SH3GL3: variants seen among roughly 807,000 people sequenced by gnomAD.
The protein encoded by SH3GL3 is endophilin-A3.
In SH3GL3, 33 loss-of-function variants were observed where a neutral mutation model predicts 47.7. That is an observed-to-expected ratio of 0.69 (90% CI 0.52 to 0.92). The LOEUF is 0.92. Among genes scored for constraint, SH3GL3 ranks in the 40% least tolerant of loss-of-function variants. SH3GL3 has a pLI of 0.00. For synonymous variants in SH3GL3, 155 were observed against 148.8 expected, an observed-to-expected ratio of 1.04 and a Z score of -0.30; for missense variants, 363 against 417.8, an observed-to-expected ratio of 0.87 and a Z score of 1.14.
intron 6 of SH3GL3, among the ~76,000 whole-genome samples, chr15:83,582,858 TA>T (rs957731214): frequency 6.6e-6 from 1 of 152,214 alleles, no homozygotes; most frequent in African/African-American, 2.4e-5. Flanking sequence ...AAGTGGAGAA[TA>T]AAAGTGTAAG....
chr15:83,554,346 C>T (rs1343485845), intron 1 of SH3GL3, among the ~76,000 whole-genome samples: 6 of 152,162 alleles, frequency 3.9e-5, no homozygotes, highest in African/African-American at 1.4e-4. Flanking sequence ...CGCCACCACA[C>T]CCAGCTAATT....
At chr15:83,510,258 A>G (rs1340455801) in intron 1 of SH3GL3, among the ~76,000 whole-genome samples, 2 of 152,226 alleles carry the variant, frequency 1.3e-5, no homozygotes, top group African/African-American at 4.8e-5. Context: ...TACAATAGAA[A>G]GAATCTTTGC....
chr15:83,566,204 C>T (rs1372690732), intron 3 of SH3GL3, among the ~76,000 whole-genome samples: 1 of 152,148 alleles, frequency 6.6e-6, no homozygotes, highest in Non-Finnish European at 1.5e-5. Flanking sequence ...TGTTGGCCAA[C>T]AATAAAAGTG....
chr15:83,485,614 G>A (rs541163263), intron 1 of SH3GL3, among the ~76,000 whole-genome samples: 33 of 152,128 alleles, frequency 2.2e-4, no homozygotes, highest in African/African-American at 7.5e-4. Context: ...CTCCCAAGTC[G>A]CTGGAACTAC....
chr15:83,524,578 G>C (rs2043338136), intron 1 of SH3GL3, among the ~76,000 whole-genome samples: 1 of 151,816 alleles, frequency 6.6e-6, no homozygotes, highest in African/African-American at 2.4e-5. Flanking sequence ...GTTAATTATA[G>C]TCACCCTACT....
chr15:83,461,425 A>T lies in SH3GL3; in HGVS notation c.45+13847A>T, dbSNP rs185459331. ...AAACTGATAATGGATTATAATTTTT[A>T]TGACTTTTATTTAAAATATTGCTAA... On this transcript the variant is annotated intron_variant, in intron 1 of 8. Transcript: ENST00000427482. Among the ~76,000 whole-genome samples, 714 of 152,258 alleles carry T rather than the reference A, an allele frequency of 4.7e-3. 3 individuals carry two copies. The highest frequency in any genetic ancestry group is 0.015 in the African/African-American group (640 of 41,572).
At chr15:83,609,635 C>A (rs2060612730) in intron 8 of SH3GL3, among the ~76,000 whole-genome samples, 1 of 152,146 alleles carries the variant, frequency 6.6e-6, no homozygotes, top group African/African-American at 2.4e-5. Flanking sequence ...GCTTCCAGGT[C>A]ATGAAGTTCC....
rs184471231 is a variant in SH3GL3 at position 83,576,490 on chromosome 15, G to A, written c.466-93G>A. ...GTTCCTGCCCTCTGGAATCTAGGCCGAGAAAAAGCAATGACCATTTTAATA... is the reference window on the plus strand; with the variant it reads ...GTTCCTGCCCTCTGGAATCTAGGCCAAGAAAAAGCAATGACCATTTTAATA... On this transcript the variant is annotated intron_variant, in intron 5 of 8. Transcript: ENST00000427482. The A allele has an allele frequency of 2.4e-4, 300 of 1,229,660 alleles. No individual in the cohort carries two copies. The African/African-American group carries it at 3.8e-3, about 16-fold the overall frequency. The allele number at this position is 1,229,660 out of a possible 1,614,324, so 76.2% of individuals were successfully genotyped here.
intron 1 of SH3GL3, among the ~76,000 whole-genome samples, chr15:83,524,053 A>G (rs554261293): frequency 3.2e-4 from 48 of 152,026 alleles, no homozygotes; most frequent in Non-Finnish European, 6.2e-4. Context: ...CCTGTTTGGA[A>G]GTTTTGCTTA....
intron 2 of SH3GL3, among the ~76,000 whole-genome samples, chr15:83,560,982 T>C (rs2045240556): frequency 6.6e-6 from 1 of 152,162 alleles, no homozygotes; most frequent in African/African-American, 2.4e-5. Flanking sequence ...ACATAGCATC[T>C]GAATTTTTAA....
In SH3GL3 at chr15:83,572,569, T is replaced by C. The variant is rs760296739; in HGVS notation, c.336T>C (p.Asn112=). 4 of 1,612,396 alleles carry C rather than the reference T, an allele frequency of 2.5e-6. No individual in the cohort carries two copies. The highest frequency in any genetic ancestry group is 3.4e-6 in the Non-Finnish European group (4 of 1,178,924). ...KELGEDSTFG[N]ALIEVGESMK... Reference sequence around the variant, plus strand: ...TATTTATGTTTTCTATTCAAGGCAATGCATTGATAGAAGTTGGTGAATCCA... The same window carrying C: ...TATTTATGTTTTCTATTCAAGGCAACGCATTGATAGAAGTTGGTGAATCCA... Residue 112 remains asparagine, a synonymous_variant, in exon 5 of 9, where the codon AAT becomes AAC. Coordinates refer to ENST00000427482, the MANE Select transcript of SH3GL3 (RefSeq NM_003027.5).
chr15:83,584,039 A>T (rs1357700047), intron 6 of SH3GL3, among the ~76,000 whole-genome samples: 1 of 152,148 alleles, frequency 6.6e-6, no homozygotes, highest in Non-Finnish European at 1.5e-5. Context: ...CTGTAGCTTA[A>T]AGCAACACAC....
At chr15:83,548,117 T>C (rs2044493489) in intron 1 of SH3GL3, among the ~76,000 whole-genome samples, 2 of 151,730 alleles carry the variant, frequency 1.3e-5, no homozygotes, top group African/African-American at 4.8e-5. Flanking sequence ...AGCAATAGAA[T>C]AGACCATACA....
At chr15:83,588,826 A>G (rs2060018536) in intron 8 of SH3GL3, 55 bp downstream of exon 8, 1 of 880,608 alleles carries the variant, frequency 1.1e-6, no homozygotes, top group Non-Finnish European at 1.9e-6. Context: ...ACTTCTAGAA[A>G]CACTTATTTA....
At chr15:83,563,790 C>T (rs1319762718) in intron 2 of SH3GL3, among the ~76,000 whole-genome samples, 5 of 152,074 alleles carry the variant, frequency 3.3e-5, no homozygotes, top group African/African-American at 1.2e-4. Context: ...AGGCACCCGT[C>T]ATCATGCCCG....
chr15:83,463,729 G>A (rs1436426112), intron 1 of SH3GL3, among the ~76,000 whole-genome samples: 1 of 149,788 alleles, frequency 6.7e-6, no homozygotes, highest in African/African-American at 2.5e-5. Flanking sequence ...AAATATTTGA[G>A]GAAGTTATTT....
intron 1 of SH3GL3, among the ~76,000 whole-genome samples, chr15:83,463,436 G>A (rs944501839): frequency 1.3e-5 from 2 of 152,148 alleles, no homozygotes; most frequent in Admixed American, 6.6e-5. Flanking sequence ...CTCTTTGGGT[G>A]TATCTGTGGC....
intron 1 of SH3GL3, among the ~76,000 whole-genome samples, chr15:83,553,990 G>A (rs2044802194): frequency 6.7e-6 from 1 of 150,068 alleles, no homozygotes; most frequent in Non-Finnish European, 1.5e-5. Flanking sequence ...TGTGAAGTCT[G>A]AATATGTCTT....
At chr15:83,546,746 G>A (rs961998753) in intron 1 of SH3GL3, among the ~76,000 whole-genome samples, 2 of 152,148 alleles carry the variant, frequency 1.3e-5, no homozygotes, top group African/African-American at 4.8e-5. Flanking sequence ...CAAGGCCCAA[G>A]GGCTCATTAG....
Sources: gnomAD v4.1 joint callset for allele counts (sites outside exome capture counted in the v4.1 genomes callset) on GRCh38, gnomAD v4.1.1 for gene constraint, MANE v1.5 for transcripts, NCBI Gene and HGNC (gene_info 2026-07-23, HGNC 2026-07-21) for gene names.